JAZF1: variants seen among roughly 807,000 people sequenced by gnomAD.
The protein encoded by JAZF1 is JAZF zinc finger 1.
JAZF1 carries 8 observed loss-of-function variants against 26.4 expected under a neutral mutation model. The observed-to-expected ratio is 0.30, with a 90% CI of 0.18 to 0.55. JAZF1 has a LOEUF of 0.55. JAZF1 is among the 20% of genes least tolerant of loss of function. The pLI, the probability that JAZF1 is intolerant of heterozygous loss-of-function variation, is 0.94. For synonymous variants in JAZF1, 126 were observed against 122.3 expected, an observed-to-expected ratio of 1.03 and a Z score of -0.20; for missense variants, 199 against 322.0, an observed-to-expected ratio of 0.62 and a Z score of 2.92.
At chr7:27,870,714 C>T (rs972921915) in intron 3 of JAZF1, among the ~76,000 whole-genome samples, 1 of 152,110 alleles carries the variant, frequency 6.6e-6, no homozygotes, top group Admixed American at 6.6e-5. Context: ...CCTCCAAGGT[C>T]CTGCTAGTGG....
intron 2 of JAZF1, among the ~76,000 whole-genome samples, chr7:27,905,829 A>G (rs1260772982): frequency 1.3e-5 from 2 of 152,186 alleles, no homozygotes. Context: ...CTTTCTTGAG[A>G]AAGATTCTTC....
At chr7:27,930,538 C>A (rs1007300442) in intron 2 of JAZF1, among the ~76,000 whole-genome samples, 2 of 152,070 alleles carry the variant, frequency 1.3e-5, no homozygotes, top group Non-Finnish European at 2.9e-5. Context: ...TGAAAACAGG[C>A]ACATTTACAG....
At chr7:28,071,671 C>T in intron 1 of JAZF1, 1 of 470,616 alleles carries the variant, frequency 2.1e-6, no homozygotes, top group Non-Finnish European at 4.4e-6. Flanking sequence ...AGTGACGGCA[C>T]TTACAGCTGA....
intron 3 of JAZF1, among the ~76,000 whole-genome samples, chr7:27,860,588 C>T (rs1329474443): frequency 1.3e-5 from 2 of 152,194 alleles, no homozygotes; most frequent in South Asian, 2.1e-4. Context: ...TCTATTAGCT[C>T]ATTTAAATGT....
At chr7:27,890,784 C>CTTTTTTTTTTTTTTT (rs70977008) in intron 3 of JAZF1, among the ~76,000 whole-genome samples, 1 of 92,004 alleles carries the variant, frequency 1.1e-5, no homozygotes, top group Non-Finnish European at 2.1e-5. Context: ...GATGTTACTA[C>CTTTTTTTTTTTTTTT]TTTTTTTTTT....
chr7:27,884,077 T>C (rs899443742), intron 3 of JAZF1, among the ~76,000 whole-genome samples: 7 of 152,246 alleles, frequency 4.6e-5, no homozygotes, highest in Non-Finnish European at 4.4e-5. Flanking sequence ...CTGTTCTTCA[T>C]TCCTGCCTGA....
At chr7:28,109,736 T>A (rs960282690) in intron 1 of JAZF1, among the ~76,000 whole-genome samples, 1 of 152,144 alleles carries the variant, frequency 6.6e-6, no homozygotes, top group Non-Finnish European at 1.5e-5. Flanking sequence ...TAATGGTCCT[T>A]CCATCACCCA....
At chr7:28,177,286 C>G (rs567332816) in intron 1 of JAZF1, among the ~76,000 whole-genome samples, 20 of 152,270 alleles carry the variant, frequency 1.3e-4, no homozygotes, top group Non-Finnish European at 2.8e-4. Context: ...TGGTGAAAAT[C>G]ACACTTCCCT....
intron 4 of JAZF1, among the ~76,000 whole-genome samples, chr7:27,838,838 C>CA (rs1583423380): frequency 6.6e-6 from 1 of 152,162 alleles, no homozygotes; most frequent in South Asian, 2.1e-4. Flanking sequence ...AAAGGAAACT[C>CA]ACGCTTCCCT....
At chr7:28,063,374 T>C (rs1357700133) in intron 1 of JAZF1, among the ~76,000 whole-genome samples, 1 of 152,062 alleles carries the variant, frequency 6.6e-6, no homozygotes, top group Non-Finnish European at 1.5e-5. Flanking sequence ...CTAGGTACTG[T>C]GATATAAAAA....
chr7:27,881,875 TAG>T (rs1032883725), intron 3 of JAZF1, among the ~76,000 whole-genome samples: 3 of 152,334 alleles, frequency 2.0e-5, no homozygotes, highest in Non-Finnish European at 4.4e-5. Context: ...CAGCTTATCT[TAG>T]AGAGCTCACA....
rs951937446 is a variant in JAZF1 at position 27,840,464 on chromosome 7, G to A, written c.555+234C>T. ...ACAAAAGCTCTCTCTTGACTGCCAG[G>A]CTCCCACGTAGGTGAGCAGAGGGGA... is the stretch of plus-strand genomic sequence containing the variant. On this transcript the variant is annotated intron_variant, in intron 4 of 4. Coordinates refer to ENST00000283928, the MANE Select transcript of JAZF1 (RefSeq NM_175061.4). This position sits in a 1 kb window ranked among gnomAD's most constrained non-coding sequence, Gnocchi z 5.1. 1.3e-5 allele frequency among the ~76,000 whole-genome samples: 2 copies of A among 152,264 alleles called. No homozygotes were observed. Among genetic ancestry groups the A allele is most frequent in the Admixed American group, 1.3e-4 (2 of 15,292 alleles).
In JAZF1 at chr7:28,057,245, T is replaced by C. The variant is rs143089814; in HGVS notation, c.116-65264A>G. On this transcript the variant is annotated intron_variant, in intron 1 of 4. Coordinates refer to ENST00000283928, the MANE Select transcript of JAZF1 (RefSeq NM_175061.4). ...TATAAGGAAGATTTCAGCTTGACTA[T>C]TGTAAAAGCACATAAAAAATGCTTT... is the stretch of plus-strand genomic sequence containing the variant. Among the ~76,000 whole-genome samples, 690 of 152,326 alleles carry C rather than the reference T, an allele frequency of 4.5e-3. 3 individuals are homozygous for C. The highest frequency in any genetic ancestry group is 0.016 in the African/African-American group (659 of 41,568).
rs1484368220 is a variant in JAZF1 at position 27,830,722 on chromosome 7, A to G, written c.*2078T>C. ...GACTTAATGTGCTCTGTCCCCAACA[A>G]AACATATGAAAATATAATTTAAAGC... On this transcript the variant is annotated 3_prime_UTR_variant, in exon 5 of 5. Coordinates refer to ENST00000283928, the MANE Select transcript of JAZF1 (RefSeq NM_175061.4). 2 of 194,254 alleles carry G rather than the reference A, an allele frequency of 1.0e-5. No homozygotes were observed. The highest frequency in any genetic ancestry group is 2.2e-5 in the Non-Finnish European group (2 of 92,932). The allele number at this position is 194,254 out of a possible 1,614,324, so 12.0% of individuals were successfully genotyped here.
intron 1 of JAZF1, among the ~76,000 whole-genome samples, chr7:28,137,719 G>A (rs849138): frequency 0.4 from 60,771 of 152,012 alleles, 13,484 homozygotes; most frequent in Non-Finnish European, 0.5. Flanking sequence ...GGTGTCTGCC[G>A]TGCAGCCAGA....
intron 1 of JAZF1, among the ~76,000 whole-genome samples, chr7:28,144,944 C>A (rs1783003202): frequency 6.6e-6 from 1 of 152,118 alleles, no homozygotes; most frequent in African/African-American, 2.4e-5. Context: ...TTTGGTTGGA[C>A]TTTTTCAATT....
chr7:28,139,477 A>G (rs1222780772), intron 1 of JAZF1, among the ~76,000 whole-genome samples: 1 of 152,250 alleles, frequency 6.6e-6, no homozygotes, highest in African/African-American at 2.4e-5. Context: ...AAACGTGTGG[A>G]CACACAGACA....
chr7:27,898,444 T>A (rs1784109742), intron 2 of JAZF1, among the ~76,000 whole-genome samples: 1 of 151,328 alleles, frequency 6.6e-6, no homozygotes, highest in African/African-American at 2.4e-5. Context: ...TAACTGGGAC[T>A]ACAAGTGCCA....
At chr7:27,901,593 T>G (rs1784160884) in intron 2 of JAZF1, among the ~76,000 whole-genome samples, 1 of 152,164 alleles carries the variant, frequency 6.6e-6, no homozygotes, top group African/African-American at 2.4e-5. Flanking sequence ...GAAACTGAAG[T>G]GACCACTTGA....
Sources: gnomAD v4.1 joint callset for allele counts (sites outside exome capture counted in the v4.1 genomes callset) on GRCh38, gnomAD v4.1.1 for gene constraint, Gnocchi (gnomAD v3.1) non-coding constraint, MANE v1.5 for transcripts, NCBI Gene and HGNC (gene_info 2026-07-23, HGNC 2026-07-21) for gene names.